RANBP2: variants seen among roughly 807,000 people sequenced by gnomAD.
RANBP2 encodes E3 SUMO-protein ligase RanBP2.
Under a neutral mutation model 303.6 loss-of-function variants are expected in RANBP2, and 57 were observed. The ratio of observed to expected loss-of-function variants is 0.19; its 90% CI spans 0.15 to 0.23. RANBP2 has a LOEUF of 0.23. Ranked by LOEUF, RANBP2 falls within the 10% of genes least tolerant of loss-of-function variation. The pLI, the probability that RANBP2 is intolerant of heterozygous loss-of-function variation, is 1.00. For synonymous variants in RANBP2, 1,167 were observed against 1,301.5 expected, an observed-to-expected ratio of 0.90 and a Z score of 2.23; for missense variants, 3,138 against 3,780.8, an observed-to-expected ratio of 0.83 and a Z score of 4.46.
intron 1 of RANBP2, among the ~76,000 whole-genome samples, chr2:108,723,190 C>A (rs1001477870): frequency 6.6e-6 from 1 of 152,084 alleles, no homozygotes; most frequent in African/African-American, 2.4e-5. Context: ...GTTTTTTCTG[C>A]CCTTTACAGC....
At chr2:109,638,122 A>T in the RANBP2 span, among the ~76,000 whole-genome samples, 1 of 152,232 alleles carries the variant, frequency 6.6e-6, no homozygotes, top group Non-Finnish European at 1.5e-5. Context: ...CTTTCAAAAT[A>T]CAAGAAAGAG....
chr2:109,464,376 A>G, the RANBP2 span, among the ~76,000 whole-genome samples: 1 of 152,262 alleles, frequency 6.6e-6, no homozygotes. Flanking sequence ...ATTTATGTAT[A>G]TACATCTACA....
the RANBP2 span, among the ~76,000 whole-genome samples, chr2:109,185,334 C>T: frequency 1.3e-4 from 20 of 152,078 alleles, no homozygotes; most frequent in Non-Finnish European, 8.8e-5. Context: ...TTTTTTTAAA[C>T]AATAAAAGAT....
At chr2:109,136,237 A>T in the RANBP2 span, among the ~76,000 whole-genome samples, 1 of 152,064 alleles carries the variant, frequency 6.6e-6, no homozygotes, top group Non-Finnish European at 1.5e-5. Context: ...AAAAAAAAAC[A>T]CACACATCAG....
the RANBP2 span, among the ~76,000 whole-genome samples, chr2:109,407,609 C>T: frequency 4.8e-3 from 733 of 152,334 alleles, 4 homozygotes; most frequent in African/African-American, 0.017. Context: ...GCTCCAGCTC[C>T]AGCTCTCAAC....
chr2:109,217,084 T>C, the RANBP2 span, among the ~76,000 whole-genome samples: 112,411 of 152,202 alleles, frequency 0.74, 42,079 homozygotes, highest in East Asian at 0.89. Context: ...CTAGGCTCAT[T>C]CATGCTGCAG....
the RANBP2 span, among the ~76,000 whole-genome samples, chr2:109,410,885 A>G: frequency 6.6e-6 from 1 of 152,184 alleles, no homozygotes; most frequent in Non-Finnish European, 1.5e-5. Context: ...TAGGATGAAC[A>G]TCTGTCTGAG....
At chr2:109,711,926 C>T in the RANBP2 span, among the ~76,000 whole-genome samples, 1 of 152,174 alleles carries the variant, frequency 6.6e-6, no homozygotes, top group African/African-American at 2.4e-5. Context: ...TCTCCCTGCC[C>T]TCCCACTCAC....
At chr2:108,940,983 T>A in the RANBP2 span, among the ~76,000 whole-genome samples, 57 of 152,224 alleles carry the variant, frequency 3.7e-4, 1 homozygote, top group Non-Finnish European at 1.6e-4. Context: ...AGAGCCCATC[T>A]CTTCCAGAGC....
the RANBP2 span, among the ~76,000 whole-genome samples, chr2:109,443,605 G>T: frequency 6.6e-6 from 1 of 152,160 alleles, no homozygotes; most frequent in South Asian, 2.1e-4. Flanking sequence ...AGCTGGAGTG[G>T]TTATCTTAAT....
At chr2:108,937,016 C>T in the RANBP2 span, among the ~76,000 whole-genome samples, 12 of 152,244 alleles carry the variant, frequency 7.9e-5, no homozygotes, top group Non-Finnish European at 1.3e-4. Flanking sequence ...AGGCCCCCCA[C>T]AGTGCTGTGC....
chr2:108,968,745 G>A, the RANBP2 span, among the ~76,000 whole-genome samples: 7,044 of 152,268 alleles, frequency 0.046, 227 homozygotes, highest in Non-Finnish European at 0.071. Flanking sequence ...AAAAGCCATC[G>A]AACACTAGGA....
At chr2:108,937,414 C>G in the RANBP2 span, among the ~76,000 whole-genome samples, 1 of 151,936 alleles carries the variant, frequency 6.6e-6, no homozygotes, top group East Asian at 1.9e-4. Context: ...CTGTGAGCAC[C>G]TATGTGTGAG....
chr2:109,256,084 T>C, the RANBP2 span, among the ~76,000 whole-genome samples: 2 of 152,304 alleles, frequency 1.3e-5, no homozygotes, highest in East Asian at 3.9e-4. Context: ...ATATTAATAC[T>C]TGGCATTCCC....
the RANBP2 span, among the ~76,000 whole-genome samples, chr2:109,288,384 A>G: frequency 2.6e-5 from 4 of 152,198 alleles, no homozygotes; most frequent in African/African-American, 7.2e-5. Flanking sequence ...ATTCTCATCT[A>G]AAGACCAGTT....
At chr2:109,068,640 G>C in the RANBP2 span, among the ~76,000 whole-genome samples, 1 of 152,176 alleles carries the variant, frequency 6.6e-6, no homozygotes, top group African/African-American at 2.4e-5. Flanking sequence ...CCTGGGCAGT[G>C]CAACAGAGGG....
At chr2:109,129,699 C>T in the RANBP2 span, 1 of 1,531,982 alleles carries the variant, frequency 6.5e-7, no homozygotes, top group Non-Finnish European at 8.7e-7. Context: ...CGCTGCTGGA[C>T]CTGCTGGAGT....
the RANBP2 span, among the ~76,000 whole-genome samples, chr2:109,655,538 G>A: frequency 2.5e-4 from 38 of 152,268 alleles, no homozygotes; most frequent in South Asian, 7.1e-3. Context: ...GGGAGACTGC[G>A]GAGACAGTGA....
At chr2:109,180,311 G>A in the RANBP2 span, among the ~76,000 whole-genome samples, 1 of 152,094 alleles carries the variant, frequency 6.6e-6, no homozygotes, top group Non-Finnish European at 1.5e-5. Context: ...TTTGGCAGAT[G>A]GTATTGATGA....
Sources: gnomAD v4.1 joint callset for allele counts (sites outside exome capture counted in the v4.1 genomes callset) on GRCh38, gnomAD v4.1.1 for gene constraint, MANE v1.5 for transcripts, NCBI Gene and HGNC (gene_info 2026-07-23, HGNC 2026-07-21) for gene names.